Variants in RGS6 observed in about 807,000 individuals in gnomAD.
RGS6 encodes the protein regulator of G-protein signaling 6.
RGS6 carries 30 observed loss-of-function variants against 78.5 expected under a neutral mutation model. The observed-to-expected ratio is 0.38, with a 90% CI of 0.29 to 0.52. RGS6 has a LOEUF of 0.52. Ranked by LOEUF, RGS6 falls within the 20% of genes least tolerant of loss-of-function variation. The probability of loss-of-function intolerance (pLI) is 0.85; values close to 1 mark genes in which losing one functional copy is unlikely to be tolerated. For missense variants in RGS6, 495 were observed against 609.7 expected (o/e 0.81, Z 1.98); for synonymous variants, 206 against 206.0 (o/e 1.00, Z 0.00).
At chr14:72,569,975 T>C (rs370566347), downstream of RGS6, among the ~76,000 whole-genome samples, 1 of 152,148 alleles carries the variant, frequency 6.6e-6, no homozygotes, top group Non-Finnish European at 1.5e-5. Context: ...ACCCTCAAAA[T>C]CTGTGAGCCC....
At chr14:72,452,147 T>C (rs997183685) in intron 3 of RGS6, among the ~76,000 whole-genome samples, 1 of 152,148 alleles carries the variant, frequency 6.6e-6, no homozygotes, top group Non-Finnish European at 1.5e-5. Flanking sequence ...TTGTTCTTCA[T>C]TTCCTGGGAC....
intron 2 of RGS6, among the ~76,000 whole-genome samples, chr14:72,083,316 G>A (rs1039688321): frequency 6.6e-6 from 1 of 152,142 alleles, no homozygotes; most frequent in Non-Finnish European, 1.5e-5. Context: ...AAACATCTTT[G>A]TGCTCGCTGG....
intron 6 of RGS6, among the ~76,000 whole-genome samples, chr14:72,462,013 A>G (rs1353380759): frequency 6.6e-6 from 1 of 152,130 alleles, no homozygotes; most frequent in Non-Finnish European, 1.5e-5. Flanking sequence ...ATGTTGGTTG[A>G]TATTATTATG....
At chr14:72,551,059 C>T (rs953506762) in intron 17 of RGS6, among the ~76,000 whole-genome samples, 7 of 152,130 alleles carry the variant, frequency 4.6e-5, no homozygotes, top group African/African-American at 1.4e-4. Context: ...AGGCTGGTCT[C>T]GAACTCCTGG....
the RGS6 span, among the ~76,000 whole-genome samples, chr14:72,583,905 G>A: frequency 4.6e-5 from 7 of 152,276 alleles, no homozygotes; most frequent in Middle Eastern, 3.4e-3. Flanking sequence ...GGACACAGGT[G>A]GGAAGCAGGT....
At chr14:72,230,932 T>G (rs896606806) in intron 2 of RGS6, among the ~76,000 whole-genome samples, 4 of 152,072 alleles carry the variant, frequency 2.6e-5, no homozygotes, top group African/African-American at 9.7e-5. Flanking sequence ...TACATTGGAG[T>G]GTCACAGAGG....
At chr14:72,383,179 TATATA>T (rs2086698170) in intron 3 of RGS6, among the ~76,000 whole-genome samples, 1 of 70,568 alleles carries the variant, frequency 1.4e-5, no homozygotes, top group Non-Finnish European at 2.5e-5. Flanking sequence ...AAATTGTACA[TATATA>T]TATATATATA....
the RGS6 span, among the ~76,000 whole-genome samples, chr14:72,576,896 C>G: frequency 2.0e-5 from 3 of 152,236 alleles, no homozygotes; most frequent in Admixed American, 6.5e-5. Flanking sequence ...GTCTAATGCT[C>G]TGAGATGCCT....
chr14:72,049,861 C>T (rs2093116743), intron 2 of RGS6, among the ~76,000 whole-genome samples: 1 of 152,090 alleles, frequency 6.6e-6, no homozygotes, highest in Non-Finnish European at 1.5e-5. Flanking sequence ...TGAAGATATG[C>T]TGTATCAAAA....
In RGS6 at chr14:72,495,230, C is replaced by A; in HGVS notation, c.933C>A (p.Ser311Arg). The A allele has an allele frequency of 6.2e-7, 1 of 1,613,128 alleles. No homozygotes were observed. The stretch of plus-strand genomic sequence containing the variant: ...CTGAGCCATCCAACCCTTGGATCAG[C>A]GATGACGTTGCTTTGTGGGACATAG... ...TPAEPSNPWI[S>R]DDVALWDIEM... The change falls in exon 13 of 18, where the codon AGC (serine) becomes AGA (arginine). Residue 311 changes from serine to arginine, a missense_variant. Transcript: ENST00000553525.
chr14:71,875,482 G>A, the RGS6 span, among the ~76,000 whole-genome samples: 2 of 152,138 alleles, frequency 1.3e-5, no homozygotes, highest in African/African-American at 4.8e-5. Context: ...TGTGGGATCG[G>A]TGATGATATC....
At chr14:72,216,783 C>A (rs926577452) in intron 2 of RGS6, among the ~76,000 whole-genome samples, 1 of 152,140 alleles carries the variant, frequency 6.6e-6, no homozygotes, top group Non-Finnish European at 1.5e-5. Context: ...TCATCTCTTG[C>A]TTGTCTCTCT....
At chr14:72,543,884 C>T (rs1336329183) in intron 17 of RGS6, among the ~76,000 whole-genome samples, 3 of 152,188 alleles carry the variant, frequency 2.0e-5, no homozygotes, top group Admixed American at 6.5e-5. Context: ...TACAGGCACA[C>T]GCCACCACAC....
chr14:72,395,243 C>T (rs1278357540), intron 3 of RGS6, among the ~76,000 whole-genome samples: 2 of 152,124 alleles, frequency 1.3e-5, no homozygotes, highest in Non-Finnish European at 2.9e-5. Context: ...TTTTCTAAAT[C>T]TCACCTTCCA....
intron 3 of RGS6, among the ~76,000 whole-genome samples, chr14:72,396,331 G>A (rs960072838): frequency 2.0e-5 from 3 of 152,192 alleles, no homozygotes; most frequent in Non-Finnish European, 2.9e-5. Context: ...CTGCATAAAT[G>A]TCTTCTTTTG....
At position 72,432,401 on chromosome 14, in the gene RGS6, G is replaced by T. The variant is rs77554978; in HGVS notation, c.185-22127G>T. 5.8e-3 allele frequency among the ~76,000 whole-genome samples: 882 copies of T among 152,248 alleles called. 11 individuals are homozygous for T. Among genetic ancestry groups the T allele is most frequent in the African/African-American group, 0.02 (832 of 41,528 alleles). ...GAGGGAGGGAGACAGCCTCTGCCTT[G>T]GTGTCTCACCTTCCAGGAGTAAAGA... is the stretch of plus-strand genomic sequence containing the variant. On this transcript the variant is annotated intron_variant, in intron 3 of 17. Coordinates refer to ENST00000553525, the MANE Select transcript of RGS6 (RefSeq NM_001204424.2).
At chr14:72,225,368 G>A (rs1599859184) in intron 2 of RGS6, among the ~76,000 whole-genome samples, 1 of 152,188 alleles carries the variant, frequency 6.6e-6, no homozygotes, top group East Asian at 1.9e-4. Flanking sequence ...TGTCACCCAG[G>A]CAAGAGTGCA....
chr14:72,210,802 C>A (rs1278131147), intron 2 of RGS6, among the ~76,000 whole-genome samples: 1 of 152,028 alleles, frequency 6.6e-6, no homozygotes, highest in Non-Finnish European at 1.5e-5. Flanking sequence ...CTGTTTTTTT[C>A]TACCAGTTTT....
intron 2 of RGS6, among the ~76,000 whole-genome samples, chr14:72,146,019 G>A (rs564102471): frequency 8.6e-4 from 131 of 152,084 alleles, no homozygotes; most frequent in Non-Finnish European, 1.3e-3. Context: ...TATTTTTTAC[G>A]GTTCCAGAGG....
Sources: gnomAD v4.1 joint callset for allele counts (sites outside exome capture counted in the v4.1 genomes callset) on GRCh38, gnomAD v4.1.1 for gene constraint, MANE v1.5 for transcripts, NCBI Gene and HGNC (gene_info 2026-07-23, HGNC 2026-07-21) for gene names.